CTNNA2: variants seen among roughly 807,000 people sequenced by gnomAD.
The protein encoded by CTNNA2 is catenin alpha 2, also known as catenin alpha-2.
Under a neutral mutation model 101.0 loss-of-function variants are expected in CTNNA2, and 42 were observed. The ratio of observed to expected loss-of-function variants is 0.42; its 90% CI spans 0.32 to 0.54. The LOEUF (loss-of-function observed/expected upper bound fraction) is 0.54, where lower values mean the gene tolerates loss of function less well. Ranked by LOEUF, CTNNA2 falls within the 20% of genes least tolerant of loss-of-function variation. The pLI is 0.14. For synonymous variants in CTNNA2, 450 were observed against 456.4 expected, an observed-to-expected ratio of 0.99 and a Z score of 0.18; for missense variants, 871 against 1,223.1, an observed-to-expected ratio of 0.71 and a Z score of 4.29.
At chr2:80,496,375 G>A (rs1687467443) in intron 9 of CTNNA2, among the ~76,000 whole-genome samples, 5 of 147,838 alleles carry the variant, frequency 3.4e-5, no homozygotes, top group Admixed American at 3.4e-4. Flanking sequence ...CACTAATTAA[G>A]TATTAGTCTT....
At chr2:80,409,773 C>G (rs998300265) in intron 8 of CTNNA2, among the ~76,000 whole-genome samples, 1 of 152,170 alleles carries the variant, frequency 6.6e-6, no homozygotes, top group African/African-American at 2.4e-5. Context: ...TACGTTTACT[C>G]TCATTTCGTT....
At chr2:79,425,634 A>C (rs921620431) in intron 4 of CTNNA2, among the ~76,000 whole-genome samples, 1 of 152,124 alleles carries the variant, frequency 6.6e-6, no homozygotes, top group African/African-American at 2.4e-5. Flanking sequence ...ATCACTTCTT[A>C]AAAGGCCCCA....
intron 1 of CTNNA2, among the ~76,000 whole-genome samples, chr2:79,628,774 A>G (rs1460433798): frequency 1.3e-5 from 2 of 152,166 alleles, no homozygotes; most frequent in East Asian, 1.9e-4. Context: ...TTAAGGTCAC[A>G]TTATTCCTGG....
At chr2:79,378,192 G>T (rs775754599) in intron 4 of CTNNA2, among the ~76,000 whole-genome samples, 16 of 151,954 alleles carry the variant, frequency 1.1e-4, no homozygotes, top group Non-Finnish European at 1.9e-4. Flanking sequence ...GACATAAAAA[G>T]TTCCCATTTT....
chr2:80,273,476 T>C (rs1673658721), intron 7 of CTNNA2, among the ~76,000 whole-genome samples: 1 of 152,166 alleles, frequency 6.6e-6, no homozygotes, highest in Non-Finnish European at 1.5e-5. Flanking sequence ...AGCATTTTGA[T>C]TGGATCATGT....
chr2:80,501,052 A>T (rs1687845502), intron 9 of CTNNA2, among the ~76,000 whole-genome samples: 1 of 152,252 alleles, frequency 6.6e-6, no homozygotes, highest in Admixed American at 6.5e-5. Flanking sequence ...CCAGACAGGA[A>T]TTCTTGTTAA....
At chr2:79,702,397 A>G (rs568207765) in intron 2 of CTNNA2, among the ~76,000 whole-genome samples, 35 of 152,302 alleles carry the variant, frequency 2.3e-4, no homozygotes, top group African/African-American at 8.4e-4. Context: ...AGAGCTAAGT[A>G]GTTGCAACAG....
At position 79,187,250 on chromosome 2, in the gene CTNNA2, C is replaced by CTT. The variant is rs1331454742; in HGVS notation, c.-524+1822_-524+1823dup. ...AAGACACTTCTTTTTCTTTTCTTTTCTTTTCTTTTCTTTTCTTTTCTTTTT... is the reference window on the plus strand; with the variant it reads ...AAGACACTTCTTTTTCTTTTCTTTTCTTTTTTCTTTTCTTTTCTTTTCTTTTT... On this transcript the variant is annotated intron_variant, in intron 1 of 21. Transcript: ENST00000466387. Among the ~76,000 whole-genome samples the CTT allele has an allele frequency of 4.9e-5, 5 of 102,680 alleles. No individual in the cohort carries two copies. The East Asian group carries it at 7.7e-4, about 16-fold the overall frequency. The allele number at this position is 102,680 out of a possible 152,430, so 67.4% of individuals were successfully genotyped here. A position where few individuals can be genotyped will look rare whatever the true frequency, so the allele number is the denominator to read the frequency against.
chr2:80,117,918 C>A (rs1384748022), intron 7 of CTNNA2, among the ~76,000 whole-genome samples: 1 of 152,164 alleles, frequency 6.6e-6, no homozygotes, highest in East Asian at 1.9e-4. Context: ...CTAATCGTAA[C>A]AATAACCTTA....
At chr2:79,661,512 T>TC (rs1360548177) in intron 2 of CTNNA2, among the ~76,000 whole-genome samples, 4 of 152,224 alleles carry the variant, frequency 2.6e-5, no homozygotes, top group African/African-American at 9.6e-5. Flanking sequence ...TCTTGGGGTT[T>TC]CCCCCACAAG....
At chr2:79,496,196 A>G (rs1312438916) in intron 4 of CTNNA2, among the ~76,000 whole-genome samples, 2 of 152,200 alleles carry the variant, frequency 1.3e-5, no homozygotes, top group Non-Finnish European at 1.5e-5. Flanking sequence ...GTTTGAGGCT[A>G]CCAAAAAAAT....
intron 7 of CTNNA2, among the ~76,000 whole-genome samples, chr2:80,357,006 A>G (rs1022440323): frequency 6.6e-6 from 1 of 152,244 alleles, no homozygotes; most frequent in Non-Finnish European, 1.5e-5. Context: ...GAAGGTAGAT[A>G]GCAGTGTTAA....
chr2:79,414,684 GTCT>G (rs1678457970), intron 4 of CTNNA2, among the ~76,000 whole-genome samples: 1 of 151,998 alleles, frequency 6.6e-6, no homozygotes, highest in African/African-American at 2.4e-5. Context: ...AATCCACAAG[GTCT>G]TCTCCTCTCA....
intron 18 of CTNNA2, among the ~76,000 whole-genome samples, chr2:80,624,351 G>C (rs903567130): frequency 6.6e-6 from 1 of 151,952 alleles, no homozygotes; most frequent in African/African-American, 2.4e-5. Flanking sequence ...AATTATGTAT[G>C]TTTAAATCAA....
At chr2:79,846,391 T>C (rs1003837582) in intron 3 of CTNNA2, among the ~76,000 whole-genome samples, 1 of 152,240 alleles carries the variant, frequency 6.6e-6, no homozygotes, top group African/African-American at 2.4e-5. Flanking sequence ...ATACTTCTCA[T>C]TTGCTTTTCT....
At chr2:79,307,925 CACTT>C (rs1475086109) in intron 2 of CTNNA2, among the ~76,000 whole-genome samples, 1 of 152,090 alleles carries the variant, frequency 6.6e-6, no homozygotes. Flanking sequence ...TGTAAAATGA[CACTT>C]CACTGTGATT....
At chr2:79,708,980 A>G (rs1487829507) in intron 2 of CTNNA2, among the ~76,000 whole-genome samples, 1 of 152,184 alleles carries the variant, frequency 6.6e-6, no homozygotes, top group East Asian at 1.9e-4. Flanking sequence ...AGAGTCCTTG[A>G]TACTCTTGAC....
At position 80,092,958 on chromosome 2, in the gene CTNNA2, G is replaced by A. The variant is rs139989796; in HGVS notation, c.1056+183161G>A. ...TGCTAACATGAAGATAAGGATAGAG[G>A]CATTTGTTTTAAGTTATTCTTGAAA... On this transcript the variant is annotated intron_variant, in intron 7 of 18. Transcript: ENST00000402739. 4.3e-3 allele frequency among the ~76,000 whole-genome samples: 646 copies of A among 151,718 alleles called. 3 individuals are homozygous for A. The highest frequency in any genetic ancestry group is 0.015 in the African/African-American group (608 of 41,394).
intron 3 of CTNNA2, among the ~76,000 whole-genome samples, chr2:79,817,749 G>C (rs938848041): frequency 6.6e-6 from 1 of 152,186 alleles, no homozygotes; most frequent in African/African-American, 2.4e-5. Flanking sequence ...TGTAAAAAAG[G>C]CAGGAGACAA....
Sources: allele counts gnomAD v4.1 joint callset (sites outside exome capture counted in the v4.1 genomes callset), GRCh38; gene constraint gnomAD v4.1.1; transcripts MANE v1.5; gene names NCBI Gene and HGNC (gene_info 2026-07-23, HGNC 2026-07-21).